Variants in MSI2 observed in about 807,000 individuals in gnomAD.
MSI2 encodes musashi RNA binding protein 2.
MSI2 carries 17 observed loss-of-function variants against 45.6 expected under a neutral mutation model. The ratio of observed to expected loss-of-function variants is 0.37; its 90% CI spans 0.26 to 0.56. The LOEUF is 0.56. MSI2 is among the 20% of genes least tolerant of loss of function. The pLI, the probability that MSI2 is intolerant of heterozygous loss-of-function variation, is 0.77. For synonymous variants in MSI2, 156 were observed against 158.2 expected (o/e 0.99, Z 0.11); for missense variants, 293 against 444.2 (o/e 0.66, Z 3.06).
At chr17:57,317,625 C>G (rs747659347) in intron 5 of MSI2, among the ~76,000 whole-genome samples, 45 of 151,544 alleles carry the variant, frequency 3.0e-4, no homozygotes, top group Admixed American at 7.2e-4. Flanking sequence ...ATCCTCCTGC[C>G]TCAGCCCCCC....
At chr17:57,283,697 G>C (rs907678102) in intron 5 of MSI2, among the ~76,000 whole-genome samples, 2 of 152,214 alleles carry the variant, frequency 1.3e-5, no homozygotes, top group Non-Finnish European at 2.9e-5. Flanking sequence ...GAGAAAATTA[G>C]GCTCCAGAGT....
intron 11 of MSI2, among the ~76,000 whole-genome samples, chr17:57,660,950 C>T (rs929335867): frequency 1.3e-5 from 2 of 152,166 alleles, no homozygotes; most frequent in Admixed American, 1.3e-4. Flanking sequence ...AAACTAGGAA[C>T]TGACATCAGA....
intron 6 of MSI2, among the ~76,000 whole-genome samples, chr17:57,489,693 T>C (rs1170005856): frequency 1.3e-5 from 2 of 152,228 alleles, no homozygotes; most frequent in Admixed American, 6.5e-5. Context: ...CATGCAGCTC[T>C]TTCTCAATTA....
chr17:57,417,604 C>T (rs1160707537), intron 6 of MSI2, among the ~76,000 whole-genome samples: 3 of 152,094 alleles, frequency 2.0e-5, no homozygotes, highest in Admixed American at 1.3e-4. Flanking sequence ...ATGAGTGGAA[C>T]GGTAGATGTG....
At chr17:57,269,462 T>C (rs1908145246) in intron 5 of MSI2, among the ~76,000 whole-genome samples, 1 of 152,228 alleles carries the variant, frequency 6.6e-6, no homozygotes. Context: ...TTAAGCTTAA[T>C]GCAGGCTATG....
intron 5 of MSI2, among the ~76,000 whole-genome samples, chr17:57,352,128 C>G (rs1026639386): frequency 2.0e-5 from 3 of 152,180 alleles, no homozygotes; most frequent in African/African-American, 7.2e-5. Context: ...CTGTTGACTT[C>G]CAGCACAGTG....
chr17:57,531,727 G>A (rs778560130), intron 7 of MSI2: 2 of 152,204 alleles, frequency 1.3e-5, no homozygotes, highest in Non-Finnish European at 2.9e-5. Flanking sequence ...GCTCACACTG[G>A]TATCGTCTCA....
chr17:57,641,377 G>A (rs149235720), intron 10 of MSI2, among the ~76,000 whole-genome samples: 10 of 152,230 alleles, frequency 6.6e-5, no homozygotes, highest in East Asian at 3.9e-4. Context: ...CTGCTGTGGC[G>A]GATTCATTGA....
chr17:57,472,109 C>G (rs1378867926), intron 6 of MSI2, among the ~76,000 whole-genome samples: 3 of 152,066 alleles, frequency 2.0e-5, no homozygotes, highest in African/African-American at 7.2e-5. Flanking sequence ...GAGTTGCTGC[C>G]GGTTCCTGCC....
intron 5 of MSI2, among the ~76,000 whole-genome samples, chr17:57,314,538 GACC>G (rs1912679100): frequency 6.7e-6 from 1 of 150,120 alleles, no homozygotes; most frequent in South Asian, 2.1e-4. Flanking sequence ...GATCATATGT[GACC>G]ACCTGTTCAG....
At chr17:57,360,539 G>A (rs1410755481) in intron 5 of MSI2, among the ~76,000 whole-genome samples, 4 of 152,250 alleles carry the variant, frequency 2.6e-5, no homozygotes, top group East Asian at 3.8e-4. Flanking sequence ...GAGGGCCATA[G>A]CATCTCAACT....
At chr17:57,319,112 A>G (rs747610489) in intron 5 of MSI2, among the ~76,000 whole-genome samples, 4 of 152,224 alleles carry the variant, frequency 2.6e-5, no homozygotes, top group Non-Finnish European at 5.9e-5. Context: ...GTGATTATGC[A>G]GAGCAGGGCC....
chr17:57,668,090 T>C (rs763164939), intron 11 of MSI2, among the ~76,000 whole-genome samples: 1 of 152,132 alleles, frequency 6.6e-6, no homozygotes, highest in Non-Finnish European at 1.5e-5. Flanking sequence ...TCCCAGGTAC[T>C]CAGAAGGCTG....
intron 11 of MSI2, among the ~76,000 whole-genome samples, chr17:57,657,363 T>C (rs1031315447): frequency 6.6e-6 from 1 of 152,108 alleles, no homozygotes; most frequent in African/African-American, 2.4e-5. Flanking sequence ...GCTGGAACTG[T>C]CAGGCTTCAG....
intron 5 of MSI2, among the ~76,000 whole-genome samples, chr17:57,336,945 C>T (rs1052952472): frequency 3.3e-5 from 5 of 152,158 alleles, no homozygotes; most frequent in Non-Finnish European, 5.9e-5. Flanking sequence ...TTCTGGGCTG[C>T]AGTCATCTGA....
At chr17:57,631,591 G>T (rs1470571768) in intron 10 of MSI2, 3 of 565,192 alleles carry the variant, frequency 5.3e-6, no homozygotes, top group Non-Finnish European at 9.3e-6. Flanking sequence ...TAGAAAGGCT[G>T]GGTGGTGACC....
chr17:57,700,874 A>C, the MSI2 span, among the ~76,000 whole-genome samples: 1 of 151,726 alleles, frequency 6.6e-6, no homozygotes, highest in Admixed American at 6.6e-5. Flanking sequence ...TGTACTCCAG[A>C]CTGGGCAACA....
intron 6 of MSI2, among the ~76,000 whole-genome samples, chr17:57,462,280 T>C (rs1265437941): frequency 6.6e-6 from 1 of 152,202 alleles, no homozygotes; most frequent in African/African-American, 2.4e-5. Context: ...GCTCTGTGTC[T>C]CTCTGGTGCC....
intron 5 of MSI2, among the ~76,000 whole-genome samples, chr17:57,373,218 C>T (rs995267671): frequency 9.9e-6 from 1 of 101,376 alleles, no homozygotes; most frequent in South Asian, 4.2e-4. Flanking sequence ...CCACTGCACT[C>T]CAGCCTGTCA....
Sources: gnomAD v4.1 joint callset for allele counts (sites outside exome capture counted in the v4.1 genomes callset) on GRCh38, gnomAD v4.1.1 for gene constraint, MANE v1.5 for transcripts, NCBI Gene and HGNC (gene_info 2026-07-23, HGNC 2026-07-21) for gene names.